Variants in ZNHIT3 observed in about 807,000 individuals in gnomAD.
ZNHIT3 encodes zinc finger HIT domain-containing protein 3.
Under a neutral mutation model 19.9 loss-of-function variants are expected in ZNHIT3, and 27 were observed. The ratio of observed to expected loss-of-function variants is 1.36; its 90% CI spans 1.00 to 1.87. The LOEUF (loss-of-function observed/expected upper bound fraction) is 1.87. Among genes scored for constraint, ZNHIT3 ranks in the 40% most tolerant of loss-of-function variants. The pLI is 0.00. For synonymous variants in ZNHIT3, 81 were observed against 65.7 expected (o/e 1.23, Z -1.13); for missense variants, 215 against 185.6 (o/e 1.16, Z -0.92).
At chr17:36,498,120 A>C, downstream of ZNHIT3, 1 of 783,896 alleles carries the variant, frequency 1.3e-6, no homozygotes, top group Non-Finnish European at 2.0e-6. Context: ...CCTGCAGCTG[A>C]TTGGGACATG....
At chr17:36,491,207 GCTC>G (rs2070718683) in intron 2 of ZNHIT3, 1 of 152,236 alleles carries the variant, frequency 6.6e-6, no homozygotes, top group South Asian at 2.1e-4. Flanking sequence ...GGAAGATACC[GCTC>G]TGTGGTATTC....
chr17:36,487,104 G>A, intron 2 of ZNHIT3, 138 bp downstream of exon 2: 1 of 1,191,410 alleles, frequency 8.4e-7, no homozygotes. Flanking sequence ...CAGGAACCTT[G>A]CTTCCTCTGA....
At chr17:36,499,250 T>C, downstream of ZNHIT3, 1 of 870,806 alleles carries the variant, frequency 1.1e-6, no homozygotes, top group Non-Finnish European at 1.8e-6. Flanking sequence ...ACAGTTGCTG[T>C]CAAAGTTTCA....
chr17:36,496,543 T>G (rs545031990), downstream of ZNHIT3: 61 of 755,166 alleles, frequency 8.1e-5, no homozygotes, highest in African/African-American at 1.0e-3. Flanking sequence ...AGGATTAAAA[T>G]AGCATTACAT....
At chr17:36,496,407 C>T (rs1807362894), downstream of ZNHIT3, 1 of 1,613,824 alleles carries the variant, frequency 6.2e-7, no homozygotes, top group South Asian at 1.1e-5. Flanking sequence ...TTATCGATCC[C>T]TAGAGGGGAG....
downstream of ZNHIT3, chr17:36,496,444 C>T (rs2070981262): frequency 6.2e-6 from 10 of 1,607,268 alleles, no homozygotes; most frequent in Non-Finnish European, 8.5e-6. Flanking sequence ...AGCACTAGTT[C>T]CTGGGAGTGC....
chr17:36,493,259 CAGG>C (rs1004287513), intron 3 of ZNHIT3: 3 of 302,628 alleles, frequency 9.9e-6, no homozygotes, highest in African/African-American at 6.5e-5. Flanking sequence ...TCAGCCCAGG[CAGG>C]AGGCTTTCTT....
downstream of ZNHIT3, chr17:36,496,535 G>A: frequency 1.2e-6 from 1 of 803,880 alleles, no homozygotes; most frequent in South Asian, 1.8e-5. Flanking sequence ...GCCACAGCAG[G>A]ATTAAAATAG....
At chr17:36,487,128 G>T (rs1358123407) in intron 2 of ZNHIT3, among the ~76,000 whole-genome samples, 162 bp downstream of exon 2, 1 of 152,176 alleles carries the variant, frequency 6.6e-6, no homozygotes, top group Non-Finnish European at 1.5e-5. Context: ...GGTCCCTGGT[G>T]TCTCTGTGTG....
Position 36,495,223 on chromosome 17 carries a change from G to A in ZNHIT3, c.287G>A (p.Gly96Glu). The change falls in exon 5 of 5, where the codon GGG becomes GAG. Residue 96 changes from glycine (G) to glutamate (E), a missense_variant and splice_region_variant. Transcript: ENST00000617429. Reference sequence around the variant, plus strand: ...GGCTTTTTTTCTTGTTAATTTTTAGGGGAATCTGCAACATTAAGAAGCTTA... The same window carrying A: ...GGCTTTTTTTCTTGTTAATTTTTAGAGGAATCTGCAACATTAAGAAGCTTA... ...RVSLQNLKNL[G>E]ESATLRSLLL... is the part of the protein sequence containing the mutation. 8 of 1,559,716 alleles carry A rather than the reference G, an allele frequency of 5.1e-6. No homozygotes were observed. Among genetic ancestry groups the A allele is most frequent in the South Asian group, 1.2e-5 (1 of 83,038 alleles).
downstream of ZNHIT3, chr17:36,496,400 T>C: frequency 1.9e-6 from 3 of 1,613,926 alleles, no homozygotes; most frequent in East Asian, 2.2e-5. Context: ...TGAAACTTTA[T>C]CGATCCCTAG....
Position 36,486,706 on chromosome 17 carries a change from T to C in ZNHIT3, c.7T>C (p.Ser3Pro). Residue 3 changes from serine (S) to proline (P), a missense_variant, in exon 1 of 5, where the codon TCG (serine) becomes CCG (proline). By Grantham distance (74) the Ser-to-Pro change is moderately conservative (BLOSUM62 -1). Transcript: ENST00000617429. ...AGTCTCCTTCCACAAAACCATGGCG[T>C]CGCTCAAATGTAGCACCGTCGTCTG... MASLKCSTVVCVI... is the reference protein window; with the variant it reads MAPLKCSTVVCVI... 2 of 1,613,842 alleles carry C rather than the reference T, an allele frequency of 1.2e-6. No individual in the cohort carries two copies. The highest frequency in any genetic ancestry group is 1.1e-5 in the South Asian group (1 of 91,076).
chr17:36,488,093 C>CAAAAA (rs369196891), intron 2 of ZNHIT3, among the ~76,000 whole-genome samples: 1 of 85,006 alleles, frequency 1.2e-5, no homozygotes, highest in Non-Finnish European at 2.4e-5. Context: ...AAGACTGTCT[C>CAAAAA]AAAAAAAAAA....
At chr17:36,495,980 G>C, downstream of ZNHIT3, 1 of 836,032 alleles carries the variant, frequency 1.2e-6, no homozygotes, top group Non-Finnish European at 1.7e-6. Flanking sequence ...TGCTGAGTTT[G>C]ATCTGTGAAG....
chr17:36,493,028 C>A, intron 3 of ZNHIT3, 129 bp downstream of exon 3: 1 of 872,326 alleles, frequency 1.1e-6, no homozygotes, highest in Non-Finnish European at 1.9e-6. Flanking sequence ...GCTTCCTTAG[C>A]CTTGAGCATC....
At chr17:36,496,001 G>A (rs143997610), downstream of ZNHIT3, 3 of 788,230 alleles carry the variant, frequency 3.8e-6, no homozygotes, top group Non-Finnish European at 5.5e-6. Flanking sequence ...GTAGTGAAAT[G>A]TGGCCCTGAT....
chr17:36,498,299 CTGG>C, downstream of ZNHIT3: 2 of 1,613,642 alleles, frequency 1.2e-6, no homozygotes, highest in South Asian at 1.1e-5. Flanking sequence ...TGACACCAGC[CTGG>C]TCTTGTGCTG....
At chr17:36,495,045 G>C (rs1233934489) in intron 4 of ZNHIT3, among the ~76,000 whole-genome samples, 178 bp from the exon 5 acceptor site, 1 of 152,064 alleles carries the variant, frequency 6.6e-6, no homozygotes. Context: ...GGCTGGTCTT[G>C]AACTCCTGAG....
At chr17:36,493,347 C>T in intron 3 of ZNHIT3, 1 of 189,932 alleles carries the variant, frequency 5.3e-6, no homozygotes, top group Non-Finnish European at 1.1e-5. Context: ...ATCCGTCCAG[C>T]CATCTAAACG....
Sources: gnomAD v4.1 joint callset for allele counts (sites outside exome capture counted in the v4.1 genomes callset) on GRCh38, gnomAD v4.1.1 for gene constraint, MANE v1.5 for transcripts, NCBI Gene and HGNC (gene_info 2026-07-23, HGNC 2026-07-21) for gene names.